Variants in ZBTB8A observed in about 807,000 individuals in gnomAD.
ZBTB8A encodes zinc finger and BTB domain containing 8A, also known as zinc finger and BTB domain-containing protein 8A.
ZBTB8A carries 19 observed loss-of-function variants against 37.8 expected under a neutral mutation model. The ratio of observed to expected loss-of-function variants is 0.50; its 90% CI spans 0.35 to 0.74. The LOEUF (loss-of-function observed/expected upper bound fraction) is 0.74. ZBTB8A is among the 30% of genes least tolerant of loss of function. The pLI, the probability that ZBTB8A is intolerant of heterozygous loss-of-function variation, is 0.01. For missense variants in ZBTB8A, 394 were observed against 537.8 expected, an observed-to-expected ratio of 0.73 and a Z score of 2.65; for synonymous variants, 181 against 185.2, an observed-to-expected ratio of 0.98 and a Z score of 0.19.
At chr1:32,594,710 G>A (rs1307528806) in intron 3 of ZBTB8A, among the ~76,000 whole-genome samples, 1 of 151,334 alleles carries the variant, frequency 6.6e-6, no homozygotes, top group Non-Finnish European at 1.5e-5. Context: ...AGGTTGCAGT[G>A]AGTGGAGATT....
chr1:32,556,394 G>T (rs1362746435), intron 2 of ZBTB8A, among the ~76,000 whole-genome samples: 3 of 151,108 alleles, frequency 2.0e-5, no homozygotes, highest in African/African-American at 7.3e-5. Context: ...TAGAGACAGG[G>T]TCTTGCTCTG....
At position 32,595,208 on chromosome 1, in the gene ZBTB8A, T is replaced by C; in HGVS notation, c.978T>C (p.Ser326=). 1.2e-6 allele frequency: 2 copies of C among 1,613,640 alleles called. No homozygotes were observed. The highest frequency in any genetic ancestry group is 1.7e-6 in the Non-Finnish European group (2 of 1,179,898). ...GATTTAGCAGGCTAGACCATCTAAG[T>C]AGCCATTTTCGAACAGTATGTATGA... ...GKRFSRLDHL[S]SHFRTIHQAC... Residue 326 remains serine (S), a synonymous_variant, in exon 4 of 5, where the codon AGT becomes AGC. Transcript: ENST00000373510.
intron 2 of ZBTB8A, among the ~76,000 whole-genome samples, chr1:32,568,061 G>A (rs1424077542): frequency 6.6e-6 from 1 of 151,600 alleles, no homozygotes; most frequent in Non-Finnish European, 1.5e-5. Flanking sequence ...AGACTTGATC[G>A]AACCTGGGAG....
chr1:32,572,148 A>G (rs1443117043), intron 2 of ZBTB8A, among the ~76,000 whole-genome samples: 1 of 152,130 alleles, frequency 6.6e-6, no homozygotes, highest in African/African-American at 2.4e-5. Context: ...TGGTTTAGGT[A>G]TCAGAGTAAT....
intron 2 of ZBTB8A, among the ~76,000 whole-genome samples, chr1:32,569,126 A>G (rs1304289969): frequency 6.6e-6 from 1 of 152,134 alleles, no homozygotes; most frequent in Non-Finnish European, 1.5e-5. Flanking sequence ...AACATTTGGT[A>G]TTGTCAGTCA....
At chr1:32,539,649 C>A (rs1644031791) in intron 1 of ZBTB8A, 77 bp downstream of exon 1, 1 of 38,066 alleles carries the variant, frequency 2.6e-5, no homozygotes, top group Admixed American at 2.7e-4. Flanking sequence ...AGCCTGGCCG[C>A]GGGCTCTGAC....
chr1:32,552,190 C>G (rs975191107), intron 1 of ZBTB8A, among the ~76,000 whole-genome samples: 2 of 151,972 alleles, frequency 1.3e-5, no homozygotes, highest in African/African-American at 4.8e-5. Flanking sequence ...ATGACGAAAC[C>G]TCATCTTTCT....
intron 1 of ZBTB8A, among the ~76,000 whole-genome samples, chr1:32,545,579 C>T (rs1379410921): frequency 1.3e-5 from 2 of 152,146 alleles, no homozygotes; most frequent in African/African-American, 2.4e-5. Flanking sequence ...AGAAGTGCCT[C>T]AGAACCCCCA....
Position 32,567,810 on chromosome 1 carries a change from A to AC in ZBTB8A, c.-2+14270_-2+14271insC, listed in dbSNP as rs1338194187. Among the ~76,000 whole-genome samples, 8 of 46,206 alleles carry AC rather than the reference A, an allele frequency of 1.7e-4. 1 individual carries two copies. Among genetic ancestry groups the AC allele is most frequent in the African/African-American group, 5.4e-4 (5 of 9,216 alleles). The allele number at this position is 46,206 out of a possible 152,430, so 30.3% of individuals were successfully genotyped here. A position where few individuals can be genotyped will look rare whatever the true frequency, so the allele number is the denominator to read the frequency against. On this transcript the variant is annotated intron_variant, in intron 2 of 4. Coordinates refer to ENST00000373510, the MANE Select transcript of ZBTB8A (RefSeq NM_001040441.3). The stretch of plus-strand genomic sequence containing the variant: ...CTGTCTCAAAAAAAAAAAAAAAAAA[A>AC]AAAAAAAAAAAAACAAAAACAAAAC...
intron 2 of ZBTB8A, among the ~76,000 whole-genome samples, chr1:32,585,512 TAACAG>T (rs1007719590): frequency 2.0e-5 from 3 of 152,212 alleles, no homozygotes; most frequent in African/African-American, 7.2e-5. Flanking sequence ...TGTAAGATCT[TAACAG>T]AGCAAATAAC....
At chr1:32,571,708 G>A (rs1218705630) in intron 2 of ZBTB8A, among the ~76,000 whole-genome samples, 3 of 151,846 alleles carry the variant, frequency 2.0e-5, no homozygotes, top group African/African-American at 4.8e-5. Flanking sequence ...CCAAATAGCT[G>A]GTATTACAGG....
At chr1:32,546,336 C>T (rs1644103893) in intron 1 of ZBTB8A, among the ~76,000 whole-genome samples, 1 of 151,862 alleles carries the variant, frequency 6.6e-6, no homozygotes, top group African/African-American at 2.4e-5. Flanking sequence ...CCCAGCTACT[C>T]AGGAGGCTGA....
In ZBTB8A at chr1:32,587,699, A is replaced by G. The variant is rs868312240; in HGVS notation, c.-1-5232A>G. 2.6e-5 allele frequency among the ~76,000 whole-genome samples: 4 copies of G among 152,176 alleles called. No individual in the cohort carries two copies. The South Asian group carries it at 6.2e-4, about 24-fold the overall frequency. On this transcript the variant is annotated intron_variant, in intron 2 of 4. Transcript: ENST00000373510. Reference sequence around the variant, plus strand: ...TTGGTCCTCATCCCTCTTTCCTGGGATACAACTAAAATCCTTAGAATCTCC... The same window carrying G: ...TTGGTCCTCATCCCTCTTTCCTGGGGTACAACTAAAATCCTTAGAATCTCC...
chr1:32,573,738 CTTTTT>C (rs753573244), intron 2 of ZBTB8A, among the ~76,000 whole-genome samples: 1,301 of 95,004 alleles, frequency 0.014, 14 homozygotes, highest in Non-Finnish European at 0.021. Flanking sequence ...CCAGCTAAAA[CTTTTT>C]TTTTTTTTTT....
At chr1:32,540,694 A>C (rs1403061138) in intron 1 of ZBTB8A, among the ~76,000 whole-genome samples, 2 of 152,156 alleles carry the variant, frequency 1.3e-5, no homozygotes, top group Non-Finnish European at 2.9e-5. Context: ...AAGCCTCCAA[A>C]ATCCTCAACA....
intron 2 of ZBTB8A, among the ~76,000 whole-genome samples, 159 bp downstream of exon 2, chr1:32,553,699 C>CA (rs965766393): frequency 6.6e-6 from 1 of 151,108 alleles, no homozygotes; most frequent in Non-Finnish European, 1.5e-5. Context: ...CCAACCTGAC[C>CA]AAGATGGAGA....
At chr1:32,563,208 C>T (rs983236156) in intron 2 of ZBTB8A, among the ~76,000 whole-genome samples, 8 of 152,072 alleles carry the variant, frequency 5.3e-5, no homozygotes, top group African/African-American at 1.7e-4. Flanking sequence ...GATAGAATCA[C>T]GTGAGAATGA....
chr1:32,542,372 G>C (rs866737881), intron 1 of ZBTB8A, among the ~76,000 whole-genome samples: 11 of 151,912 alleles, frequency 7.2e-5, no homozygotes, highest in Middle Eastern at 3.4e-3. Flanking sequence ...TCAGGAGTTC[G>C]AGACCAGCCT....
At chr1:32,573,589 C>T (rs1476932335) in intron 2 of ZBTB8A, among the ~76,000 whole-genome samples, 2 of 151,064 alleles carry the variant, frequency 1.3e-5, no homozygotes, top group African/African-American at 4.8e-5. Context: ...TAAGCCACCA[C>T]ATTTGGCTAA....
Sources: allele counts gnomAD v4.1 joint callset (sites outside exome capture counted in the v4.1 genomes callset), GRCh38; gene constraint gnomAD v4.1.1; transcripts MANE v1.5; gene names NCBI Gene and HGNC (gene_info 2026-07-23, HGNC 2026-07-21).